Variants in DLGAP3 observed in about 807,000 individuals in gnomAD.
DLGAP3 encodes the protein DLG associated protein 3, also known as disks large-associated protein 3.
Under a neutral mutation model 81.2 loss-of-function variants are expected in DLGAP3, and 17 were observed. The observed-to-expected ratio is 0.21, with a 90% confidence interval of 0.14 to 0.31. The LOEUF (loss-of-function observed/expected upper bound fraction) is 0.31, where lower values mean the gene tolerates loss of function less well. Ranked by LOEUF, DLGAP3 falls within the 10% of genes least tolerant of loss-of-function variation. The pLI, the probability that DLGAP3 is intolerant of heterozygous loss-of-function variation, is 1.00. For synonymous variants in DLGAP3, 577 were observed against 587.4 expected, an observed-to-expected ratio of 0.98 and a Z score of 0.26; for missense variants, 1,124 against 1,388.0, an observed-to-expected ratio of 0.81 and a Z score of 3.02.
chr1:34,896,238 A>C (rs541031115), intron 5 of DLGAP3, among the ~76,000 whole-genome samples: 17 of 152,102 alleles, frequency 1.1e-4, no homozygotes, highest in Non-Finnish European at 2.5e-4. Context: ...GAATTGTGAG[A>C]AAATAAATTT....
intron 1 of DLGAP3, among the ~76,000 whole-genome samples, chr1:34,908,044 C>T (rs1639585312): frequency 6.6e-6 from 1 of 152,238 alleles, no homozygotes; most frequent in African/African-American, 2.4e-5. Context: ...GCTTTTATAA[C>T]ACCCTGGGTG....
chr1:34,886,032 C>G (rs1291658313), intron 6 of DLGAP3, 40 bp downstream of exon 6: 2 of 1,552,280 alleles, frequency 1.3e-6, no homozygotes, highest in East Asian at 4.7e-5. Context: ...AGGGCGCTCT[C>G]CTGCCTAGGG....
At position 34,893,097 on chromosome 1, in the gene DLGAP3, G is replaced by A. The variant is rs371864402; in HGVS notation, c.1386+6572C>T. Among the ~76,000 whole-genome samples, 46 of 150,926 alleles carry A rather than the reference G, an allele frequency of 3.0e-4. No homozygotes were observed. In the East Asian group the frequency reaches 5.3e-3, roughly 17 times the overall value. Reference sequence around the variant, plus strand: ...TGAGGCAGGAGAATGGCGTGAACCCGGGAAGCGGAGCTTGCAGTGAGCCGA... The same window carrying A: ...TGAGGCAGGAGAATGGCGTGAACCCAGGAAGCGGAGCTTGCAGTGAGCCGA... On this transcript the variant is annotated intron_variant, in intron 5 of 11. Coordinates refer to ENST00000373347, the MANE Select transcript of DLGAP3 (RefSeq NM_001080418.3).
Position 34,921,682 on chromosome 1 carries a change from C to G in DLGAP3, c.-135+7769G>C, listed in dbSNP as rs141365469. On this transcript the variant is annotated intron_variant, in intron 1 of 11. Transcript: ENST00000373347. ...ATGAATGGATGCATTGGGTGAGGCA[C>G]TTGCGATGGGGAAGGGTATGTTTGC... Among the ~76,000 whole-genome samples the G allele has an allele frequency of 4.0e-3, 606 of 152,340 alleles. 1 individual carries two copies. The highest frequency in any genetic ancestry group is 6.7e-3 in the Non-Finnish European group (454 of 68,034).
Position 34,905,297 on chromosome 1 carries a change from G to A in DLGAP3, c.87C>T (p.Ala29=), listed in dbSNP as rs762212656. ...TGGAGCCCAGCAGGTATGGGGCCCT[G>A]GCAGCAGGGCCCACGTCCATATGCT... The part of the protein sequence containing the change: ...DQQHMDVGPA[A]RAPYLLGSRE... Residue 29 remains alanine (A), a synonymous_variant, in exon 3 of 12, where the codon GCC becomes GCT. Coordinates refer to ENST00000373347, the MANE Select transcript of DLGAP3 (RefSeq NM_001080418.3). 6.4e-7 allele frequency: 1 copy of A among 1,567,888 alleles called. No homozygotes were observed. The highest frequency in any genetic ancestry group is 8.6e-7 in the Non-Finnish European group (1 of 1,156,578).
rs185629435 is a variant in DLGAP3, at chr1:34,875,872, C to T, written c.2001-6783G>A. 3.1e-3 allele frequency among the ~76,000 whole-genome samples: 471 copies of T among 152,352 alleles called. 3 individuals carry two copies. Among genetic ancestry groups the T allele is most frequent in the African/African-American group, 0.01 (436 of 41,572 alleles). On this transcript the variant is annotated intron_variant, in intron 8 of 11. Transcript: ENST00000373347. ...ACTCAGTTAATTTTTGTTCATCCTT[C>T]GGATCTCCACCCAAATGTCACTTCC...
chr1:34,888,232 G>T (rs924369620), intron 5 of DLGAP3, among the ~76,000 whole-genome samples: 12 of 152,158 alleles, frequency 7.9e-5, no homozygotes, highest in Admixed American at 7.9e-4. Context: ...CCATAATTCA[G>T]CCTCCAAAGC....
intron 1 of DLGAP3, among the ~76,000 whole-genome samples, chr1:34,918,544 A>AGGCCCGGGCAGG (rs1355914789): frequency 2.6e-5 from 4 of 152,330 alleles, no homozygotes; most frequent in Admixed American, 2.6e-4. Flanking sequence ...GATGGGGCAG[A>AGGCCCGGGCAGG]GGCCCGGGCA....
chr1:34,886,010 G>T, intron 6 of DLGAP3, 62 bp downstream of exon 6: 1 of 1,498,636 alleles, frequency 6.7e-7, no homozygotes, highest in South Asian at 1.2e-5. Flanking sequence ...GGGGAGGCCA[G>T]AACCCGGACC....
At chr1:34,887,328 C>T (rs1055470614) in intron 5 of DLGAP3, among the ~76,000 whole-genome samples, 2 of 151,986 alleles carry the variant, frequency 1.3e-5, no homozygotes, top group African/African-American at 2.4e-5. Context: ...TACCCTCCCC[C>T]ACTGAGGAAA....
chr1:34,876,048 C>A (rs1181256082), intron 8 of DLGAP3, among the ~76,000 whole-genome samples: 1 of 152,266 alleles, frequency 6.6e-6, no homozygotes, highest in East Asian at 1.9e-4. Context: ...TTTGCATGGG[C>A]AGGAGCTGTC....
intron 8 of DLGAP3, among the ~76,000 whole-genome samples, chr1:34,884,231 T>C (rs1639186782): frequency 6.6e-6 from 1 of 151,988 alleles, no homozygotes; most frequent in African/African-American, 2.4e-5. Context: ...GGACACTAGT[T>C]TTATTCCTCC....
chr1:34,899,817 G>A, intron 4 of DLGAP3, 76 bp from the exon 5 acceptor site: 2 of 1,410,746 alleles, frequency 1.4e-6, no homozygotes, highest in South Asian at 1.2e-5. Context: ...TAGCACTGGG[G>A]CCCCTGAGTA....
Position 34,868,532 on chromosome 1 carries a change from C to A in DLGAP3, c.2485+73G>T, listed in dbSNP as rs1638921507. The A allele has an allele frequency of 1.5e-6, 2 of 1,333,706 alleles. No individual in the cohort carries two copies. Among genetic ancestry groups the A allele is most frequent in the South Asian group, 1.2e-5 (1 of 85,090 alleles). 82.6% of individuals were successfully genotyped at this position (1,333,706 alleles called of 1,614,324 possible). On this transcript the variant is annotated intron_variant, in intron 9 of 11. Transcript: ENST00000373347. The surrounding 1 kb of genome is among the most constrained non-coding windows in gnomAD (Gnocchi z 7.5). ...CCTGTTACACTGCAGCCCCAGCCACCCCCATCAGGGTCTCCTGAGCACACA... is the reference window on the plus strand; with the variant it reads ...CCTGTTACACTGCAGCCCCAGCCACACCCATCAGGGTCTCCTGAGCACACA...
chr1:34,909,961 T>C (rs920579291), intron 1 of DLGAP3, among the ~76,000 whole-genome samples: 2 of 152,224 alleles, frequency 1.3e-5, no homozygotes, highest in African/African-American at 2.4e-5. Context: ...TGATTCCATT[T>C]TGGCTAATGA....
chr1:34,925,774 C>T (rs186570145), intron 1 of DLGAP3, among the ~76,000 whole-genome samples: 24 of 152,176 alleles, frequency 1.6e-4, no homozygotes, highest in African/African-American at 5.3e-4. Flanking sequence ...CTTGGGCCCC[C>T]GACACCATCC....
intron 5 of DLGAP3, among the ~76,000 whole-genome samples, chr1:34,896,149 C>T (rs1569631974): frequency 6.6e-6 from 1 of 152,012 alleles, no homozygotes. Context: ...CAAACAACAA[C>T]ATAAAAAATA....
At chr1:34,896,273 A>C (rs2148407639) in intron 5 of DLGAP3, among the ~76,000 whole-genome samples, 1 of 152,304 alleles carries the variant, frequency 6.6e-6, no homozygotes, top group East Asian at 1.9e-4. Flanking sequence ...AAGAAGAACA[A>C]GAAGGGAAGA....
chr1:34,898,338 G>A (rs1261890775), intron 5 of DLGAP3, among the ~76,000 whole-genome samples: 1 of 152,172 alleles, frequency 6.6e-6, no homozygotes, highest in Non-Finnish European at 1.5e-5. Context: ...TAGAGGGTGT[G>A]GTGTCCTCCA....
Sources: allele counts gnomAD v4.1 joint callset (sites outside exome capture counted in the v4.1 genomes callset), GRCh38; gene constraint gnomAD v4.1.1; non-coding constraint Gnocchi (gnomAD v3.1); transcripts MANE v1.5; gene names NCBI Gene and HGNC (gene_info 2026-07-23, HGNC 2026-07-21).